ITIH3: variants seen among roughly 807,000 people sequenced by gnomAD.
ITIH3 encodes the protein inter-alpha-trypsin inhibitor heavy chain H3.
Under a neutral mutation model 96.5 loss-of-function variants are expected in ITIH3, and 81 were observed. That is an observed-to-expected ratio of 0.84 (90% CI 0.70 to 1.01). ITIH3 has a LOEUF of 1.01. Among genes scored for constraint, ITIH3 ranks in the 50% least tolerant of loss-of-function variants. The probability of loss-of-function intolerance (pLI) is 0.00; values close to 1 mark genes in which losing one functional copy is unlikely to be tolerated. For missense variants in ITIH3, 1,057 were observed against 1,139.3 expected (o/e 0.93, Z 1.04); for synonymous variants, 422 against 445.2 (o/e 0.95, Z 0.66).
At chr3:52,808,089 C>A (rs1437349814) in intron 20 of ITIH3, 21 bp from the exon 21 acceptor site, 2 of 1,609,726 alleles carry the variant, frequency 1.2e-6, no homozygotes, top group Non-Finnish European at 1.7e-6. Context: ...GGGCTGACAG[C>A]ATGAATATTT....
intron 16 of ITIH3, 53 bp from the exon 17 acceptor site, chr3:52,806,050 C>A: frequency 6.4e-7 from 1 of 1,569,740 alleles, no homozygotes. Flanking sequence ...GGTCGTCGGG[C>A]GCCTCCCAGG....
chr3:52,796,550 G>A lies in ITIH3; in HGVS notation c.184G>A (p.Val62Ile). Residue 62 changes from valine to isoleucine, a missense_variant, in exon 3 of 22, where the codon GTT becomes ATT. Val to Ile is a conservative substitution (Grantham distance 29, BLOSUM62 3). Transcript: ENST00000449956. ...SKVTSRFAHNVVTMRAVNRAD... is the reference protein window; with the variant it reads ...SKVTSRFAHNIVTMRAVNRAD... ...GGTGACCTCCCGTTTTGCTCACAAT[G>A]TTGTCACCATGAGAGCCGTCAACCG... 1 of 1,613,716 alleles carries A rather than the reference G, an allele frequency of 6.2e-7. No individual in the cohort carries two copies. Among genetic ancestry groups the A allele is most frequent in the African/African-American group, 1.3e-5 (1 of 75,038 alleles).
chr3:52,800,839 C>G, intron 10 of ITIH3, 126 bp from the exon 11 acceptor site: 9 of 1,474,612 alleles, frequency 6.1e-6, no homozygotes, highest in Non-Finnish European at 8.3e-6. Flanking sequence ...ACCACCTGCC[C>G]CACAAGGGCT....
At chr3:52,800,430 C>A in intron 9 of ITIH3, 108 bp from the exon 10 acceptor site, 1 of 1,381,042 alleles carries the variant, frequency 7.2e-7, no homozygotes. Flanking sequence ...AGATAGGGTC[C>A]TTGGGCACAT....
At chr3:52,804,499 G>A in intron 14 of ITIH3, 1 of 565,436 alleles carries the variant, frequency 1.8e-6, no homozygotes, top group East Asian at 3.1e-5. Context: ...TGGTGGTGGA[G>A]GATTGGCATT....
Position 52,798,947 on chromosome 3 carries a change from T to C in ITIH3, c.664-19T>C. On this transcript the variant is annotated intron_variant, in intron 6 of 21. Transcript: ENST00000449956. ...GGCCCTGGCCGAGCTGAGCAAGGTC[T>C]TTCATCTCCATCCCTTAGGGCCATG... 1.2e-6 allele frequency: 2 copies of C among 1,611,748 alleles called. No individual in the cohort carries two copies. Among genetic ancestry groups the C allele is most frequent in the Non-Finnish European group, 8.5e-7 (1 of 1,178,990 alleles).
intron 15 of ITIH3, 67 bp from the exon 16 acceptor site, chr3:52,805,741 G>A (rs1700014200): frequency 6.2e-7 from 1 of 1,606,798 alleles, no homozygotes; most frequent in South Asian, 1.1e-5. Flanking sequence ...TAAGACAGGA[G>A]GAAGGCACGG....
At chr3:52,803,420 G>A (rs1456184732) in intron 13 of ITIH3, among the ~76,000 whole-genome samples, 2 of 151,146 alleles carry the variant, frequency 1.3e-5, no homozygotes, top group African/African-American at 2.4e-5. Context: ...CCGGGTTCAC[G>A]CCATTCTCCT....
chr3:52,801,066 T>C lies in ITIH3; in HGVS notation c.1303T>C (p.Phe435Leu). 1 of 1,613,036 alleles carries C rather than the reference T, an allele frequency of 6.2e-7. No homozygotes were observed. The highest frequency in any genetic ancestry group is 8.5e-7 in the Non-Finnish European group (1 of 1,179,434). Residue 435 changes from phenylalanine to leucine, a missense_variant, in exon 11 of 22, where the codon TTC becomes CTC. By Grantham distance (22) the Phe-to-Leu change is conservative. Coordinates refer to ENST00000449956, the MANE Select transcript of ITIH3 (RefSeq NM_002217.4). ...LGFGNNLNYN[F>L]LENMALENHG... ...CTTTGGCAACAATCTGAATTATAAC[T>C]TCCTGGAGAACATGGCCCTGGAGAA...
rs1461619615 is a variant in ITIH3 at position 52,797,195 on chromosome 3, G to C, written c.477G>C (p.Leu159=). The change falls in exon 5 of 22, where the codon CTG becomes CTC. Residue 159 remains leucine, a synonymous_variant. Coordinates refer to ENST00000449956, the MANE Select transcript of ITIH3 (RefSeq NM_002217.4). ...KVTFELTYEE[L]LKRHKGKYEM... The stretch of plus-strand genomic sequence containing the variant: ...CCTTCGAGCTAACCTACGAGGAGCT[G>C]CTGAAGAGGCACAAGGGCAAGTACG... The C allele has an allele frequency of 6.2e-7, 1 of 1,608,908 alleles. No individual in the cohort carries two copies. The highest frequency in any genetic ancestry group is 1.1e-5 in the South Asian group (1 of 89,788).
chr3:52,807,911 T>A lies in ITIH3; in HGVS notation c.2426T>A (p.Leu809Gln). The A allele has an allele frequency of 6.2e-7, 1 of 1,612,712 alleles. No homozygotes were observed. The highest frequency in any genetic ancestry group is 8.5e-7 in the Non-Finnish European group (1 of 1,179,374). The change falls in exon 20 of 22, where the codon CTG becomes CAG. Residue 809 changes from leucine to glutamine, a missense_variant. Physicochemically the swap from Leu to Gln is moderately radical, Grantham distance 113. Transcript: ENST00000449956. ...SHRMSAQTHG[L>Q]LGQFFQPFDF... Reference sequence around the variant, plus strand: ...CGGATGTCAGCACAGACGCATGGGCTGCTGGGTACGAAGTGTTCAGACTGC... The same window carrying A: ...CGGATGTCAGCACAGACGCATGGGCAGCTGGGTACGAAGTGTTCAGACTGC...
At chr3:52,804,208 T>A (rs1282521131) in intron 14 of ITIH3, 199 bp downstream of exon 14, 21 of 599,784 alleles carry the variant, frequency 3.5e-5, no homozygotes, top group South Asian at 3.0e-4. Flanking sequence ...GTGGGGTGAA[T>A]AGGAGCCTCT....
At position 52,794,803 on chromosome 3, in the gene ITIH3, G is replaced by A. The variant is rs201110320; in HGVS notation, c.-1G>A. The A allele has an allele frequency of 4.1e-5, 66 of 1,613,038 alleles. No individual in the cohort carries two copies. The highest frequency in any genetic ancestry group is 2.9e-4 in the South Asian group (26 of 91,084). ...CGTGGGCCAGGCCTGAGTATTCAGC[G>A]ATGGCATTTGCATGGTGGCCCTGTC... On this transcript the variant is annotated 5_prime_UTR_variant, in exon 1 of 22. Coordinates refer to ENST00000449956, the MANE Select transcript of ITIH3 (RefSeq NM_002217.4).
chr3:52,806,162 G>A (rs760963025), intron 17 of ITIH3, 24 bp downstream of exon 17: 11 of 1,601,732 alleles, frequency 6.9e-6, no homozygotes, highest in Non-Finnish European at 7.7e-6. Context: ...TGCTCCTCGG[G>A]AAGGCTCAGG....
In ITIH3 at chr3:52,805,480, A is replaced by T. The variant is rs755732704; in HGVS notation, c.1874-328A>T. The T allele has an allele frequency of 3.5e-6, 4 of 1,129,066 alleles. No homozygotes were observed. The Middle Eastern group carries it at 1.1e-3, about 310-fold the overall frequency. 69.9% of individuals were successfully genotyped at this position (1,129,066 alleles called of 1,614,324 possible). On this transcript the variant is annotated intron_variant, in intron 15 of 21. Transcript: ENST00000449956. ...ACAGCCGTGAGCCTCACTCACCCCA[A>T]CTAGGGGGTGGGAAGCCCAGGGGTG...
chr3:52,802,921 G>A, intron 13 of ITIH3, 115 bp downstream of exon 13: 1 of 1,257,728 alleles, frequency 8.0e-7, no homozygotes, highest in Non-Finnish European at 1.1e-6. Context: ...CCCAGGAAGT[G>A]TCTGTAGAGC....
At position 52,797,140 on chromosome 3, in the gene ITIH3, C is replaced by G; in HGVS notation, c.422C>G (p.Ser141Trp). The change falls in exon 5 of 22, where the codon TCG (serine) becomes TGG (tryptophan). Residue 141 changes from serine (S) to tryptophan (W), a missense_variant. Coordinates refer to ENST00000449956, the MANE Select transcript of ITIH3 (RefSeq NM_002217.4). Reference protein sequence around the residue: ...SGRKLEKFTVSVNVAAGSKVT... With the variant: ...SGRKLEKFTVWVNVAAGSKVT... ...AGGAAGTTGGAGAAGTTCACAGTCT[C>G]GGTCAACGTGGCTGCAGGCAGCAAA... 1.2e-6 allele frequency: 2 copies of G among 1,609,684 alleles called. No individual in the cohort carries two copies. Among genetic ancestry groups the G allele is most frequent in the Non-Finnish European group, 1.7e-6 (2 of 1,178,308 alleles).
chr3:52,795,206 C>T (rs559263669), intron 1 of ITIH3, among the ~76,000 whole-genome samples: 2 of 152,214 alleles, frequency 1.3e-5, no homozygotes, highest in African/African-American at 4.8e-5. Flanking sequence ...GTGACCTCTA[C>T]AAAATGCTCA....
chr3:52,808,163 G>C lies in ITIH3; in HGVS notation c.2485G>C (p.Asp829His), dbSNP rs1378259850. 6.2e-7 allele frequency: 1 copy of C among 1,614,208 alleles called. No individual in the cohort carries two copies. Residue 829 changes from aspartate to histidine, a missense_variant, in exon 21 of 22, where the codon GAC becomes CAC. Physicochemically the swap from Asp to His is moderately conservative, Grantham distance 81 (BLOSUM62 -1). Transcript: ENST00000449956. ...AGTGTCTGACATCCGGCCAGGCTCT[G>C]ACCCCACAAAGCCAGATGCCACATT... ...FKVSDIRPGSDPTKPDATLVV... is the reference protein window; with the variant it reads ...FKVSDIRPGSHPTKPDATLVV...
Sources: allele counts gnomAD v4.1 joint callset (sites outside exome capture counted in the v4.1 genomes callset), GRCh38; gene constraint gnomAD v4.1.1; transcripts MANE v1.5; gene names NCBI Gene and HGNC (gene_info 2026-07-23, HGNC 2026-07-21).